The following ZFYVE9 variants were observed in gnomAD, a reference collection of about 807,000 sequenced individuals.
The protein encoded by ZFYVE9 is zinc finger FYVE domain-containing protein 9.
ZFYVE9 carries 43 observed loss-of-function variants against 126.7 expected under a neutral mutation model. The ratio of observed to expected loss-of-function variants is 0.34; its 90% CI spans 0.27 to 0.44. The LOEUF (loss-of-function observed/expected upper bound fraction) is 0.44. Ranked by LOEUF, ZFYVE9 falls within the 20% of genes least tolerant of loss-of-function variation. The pLI is 1.00. For synonymous variants in ZFYVE9, 521 were observed against 597.4 expected (o/e 0.87, Z 1.87); for missense variants, 1,476 against 1,697.0 (o/e 0.87, Z 2.29).
chr1:52,150,611 A>G (rs1167323967), intron 1 of ZFYVE9, among the ~76,000 whole-genome samples: 6 of 152,080 alleles, frequency 3.9e-5, no homozygotes. Context: ...TACTAAAAAT[A>G]CAAAAATTGG....
At chr1:52,286,572 A>G (rs72895933) in intron 10 of ZFYVE9, among the ~76,000 whole-genome samples, 5,880 of 152,232 alleles carry the variant, frequency 0.039, 295 homozygotes, top group African/African-American at 0.12. Flanking sequence ...CGGAGGTTGT[A>G]GACTATATAT....
intron 11 of ZFYVE9, among the ~76,000 whole-genome samples, chr1:52,295,077 G>A (rs1045619817): frequency 1.3e-5 from 2 of 152,034 alleles, no homozygotes; most frequent in African/African-American, 4.8e-5. Context: ...GTATGGTGGC[G>A]CATGCCTGTA....
At chr1:52,338,934 C>A (rs1646412177) in intron 16 of ZFYVE9, among the ~76,000 whole-genome samples, 1 of 152,038 alleles carries the variant, frequency 6.6e-6, no homozygotes, top group South Asian at 2.1e-4. Context: ...TCACTTGAAT[C>A]GGGAGGCGGA....
At chr1:52,273,818 C>CAAAAAAA (rs61193193) in intron 7 of ZFYVE9, among the ~76,000 whole-genome samples, 2 of 75,570 alleles carry the variant, frequency 2.6e-5, no homozygotes, top group African/African-American at 7.9e-5. Context: ...GACTCCTTCT[C>CAAAAAAA]AAAAAAAAAA....
intron 3 of ZFYVE9, among the ~76,000 whole-genome samples, chr1:52,235,623 CTT>C (rs1645266524): frequency 6.6e-6 from 1 of 152,278 alleles, no homozygotes; most frequent in South Asian, 2.1e-4. Context: ...TTTTTAACAA[CTT>C]TTCACTACTT....
At chr1:52,302,165 G>A (rs1569713081) in intron 12 of ZFYVE9, among the ~76,000 whole-genome samples, 1 of 151,940 alleles carries the variant, frequency 6.6e-6, no homozygotes, top group South Asian at 2.1e-4. Context: ...TTTATTTTGA[G>A]TTGTATTTTC....
chr1:52,160,301 A>C, intron 1 of ZFYVE9: 1 of 1,036,750 alleles, frequency 9.6e-7, no homozygotes, highest in East Asian at 2.4e-5. Context: ...TCCAGAATGC[A>C]TCAGTTCAAA....
intron 12 of ZFYVE9, among the ~76,000 whole-genome samples, chr1:52,301,291 CTTTTTTTTT>C (rs527599525): frequency 6.9e-4 from 50 of 72,646 alleles, no homozygotes; most frequent in African/African-American, 2.8e-3. Flanking sequence ...CTTTTTCCAT[CTTTTTTTTT>C]TTTTTTTTTT....
intron 4 of ZFYVE9, chr1:52,253,838 C>T: frequency 1.4e-6 from 2 of 1,426,494 alleles, no homozygotes; most frequent in Non-Finnish European, 9.9e-7. Flanking sequence ...AGAAAAACAA[C>T]AGTTAAGACA....
Position 52,142,604 on chromosome 1 carries a change from G to A in ZFYVE9, c.-143+201G>A, listed in dbSNP as rs906743343. Among the ~76,000 whole-genome samples, 1 of 152,136 alleles carries A rather than the reference G, an allele frequency of 6.6e-6. No individual in the cohort carries two copies. The highest frequency in any genetic ancestry group is 2.4e-5 in the African/African-American group (1 of 41,460). ...GTGGGGGGCGATTAGGCCCCGCGCC[G>A]TTGGGAAGCCCTCGCTCCGGCCTCG... is the stretch of plus-strand genomic sequence containing the variant. On this transcript the variant is annotated intron_variant, in intron 1 of 18. Coordinates refer to ENST00000287727, the MANE Select transcript of ZFYVE9 (RefSeq NM_004799.4). The surrounding 1 kb of genome is among the most constrained non-coding windows in gnomAD (Gnocchi z 4.5).
intron 1 of ZFYVE9, among the ~76,000 whole-genome samples, chr1:52,193,022 C>T (rs1054856746): frequency 1.3e-5 from 2 of 152,154 alleles, no homozygotes; most frequent in African/African-American, 4.8e-5. Context: ...ACTTGAGGCA[C>T]AAGAATAGAT....
rs2124601877 is a variant in ZFYVE9, at chr1:52,220,062, C to T, written c.-37+3588C>T. Among the ~76,000 whole-genome samples, 2 of 152,262 alleles carry T rather than the reference C, an allele frequency of 1.3e-5. 1 individual carries two copies. The highest frequency in any genetic ancestry group is 4.1e-4 in the South Asian group (2 of 4,826). ...AAGTGCTGGGATTACAGGTGTGAGC[C>T]ACCACACCCTGCCAGGCCAAGATCT... On this transcript the variant is annotated intron_variant, in intron 2 of 18. Coordinates refer to ENST00000287727, the MANE Select transcript of ZFYVE9 (RefSeq NM_004799.4).
intron 1 of ZFYVE9, among the ~76,000 whole-genome samples, chr1:52,204,732 AAAAAG>A (rs1168577994): frequency 6.6e-6 from 1 of 152,146 alleles, no homozygotes. Flanking sequence ...GTCTCAAAAA[AAAAAG>A]AAAAGAAAAA....
At chr1:52,301,175 G>C (rs922372996) in intron 12 of ZFYVE9, among the ~76,000 whole-genome samples, 2 of 150,970 alleles carry the variant, frequency 1.3e-5, no homozygotes, top group African/African-American at 4.9e-5. Context: ...TTTCTTCTTT[G>C]AGTGTTTTTG....
At chr1:52,223,772 T>C (rs1329843222) in intron 2 of ZFYVE9, among the ~76,000 whole-genome samples, 1 of 152,164 alleles carries the variant, frequency 6.6e-6, no homozygotes, top group Non-Finnish European at 1.5e-5. Context: ...GTTTTCTCAG[T>C]GGGCTTCATT....
chr1:52,342,729 T>C (rs1229839163), intron 17 of ZFYVE9, among the ~76,000 whole-genome samples: 1 of 152,036 alleles, frequency 6.6e-6, no homozygotes, highest in Non-Finnish European at 1.5e-5. Context: ...AGACAGGGTT[T>C]CACCATGTTG....
At chr1:52,161,680 A>G (rs922623221) in intron 1 of ZFYVE9, among the ~76,000 whole-genome samples, 2 of 152,160 alleles carry the variant, frequency 1.3e-5, no homozygotes, top group African/African-American at 4.8e-5. Flanking sequence ...TTAGGGCTCA[A>G]AAATTCCATT....
chr1:52,346,322 C>A lies in ZFYVE9; in HGVS notation c.*101C>A. The stretch of plus-strand genomic sequence containing the variant: ...CTGGAAGATTAAGCTTTTGTTAACA[C>A]TATTAATGGGGTGGGGAATAGGGTG... On this transcript the variant is annotated 3_prime_UTR_variant, in exon 19 of 19. Transcript: ENST00000287727. 2.0e-5 allele frequency: 14 copies of A among 713,460 alleles called. No homozygotes were observed. Among genetic ancestry groups the A allele is most frequent in the East Asian group, 3.3e-5 (1 of 30,246 alleles). The allele number at this position is 713,460 out of a possible 1,614,324, so 44.2% of individuals were successfully genotyped here. A position where few individuals can be genotyped will look rare whatever the true frequency, so the allele number is the denominator to read the frequency against.
chr1:52,241,539 A>G (rs1645334297), intron 4 of ZFYVE9, among the ~76,000 whole-genome samples: 1 of 152,206 alleles, frequency 6.6e-6, no homozygotes, highest in Non-Finnish European at 1.5e-5. Context: ...ATCCAGCTAT[A>G]ATGAGTAAAT....
Sources: allele counts gnomAD v4.1 joint callset (sites outside exome capture counted in the v4.1 genomes callset), GRCh38; gene constraint gnomAD v4.1.1; non-coding constraint Gnocchi (gnomAD v3.1); transcripts MANE v1.5; gene names NCBI Gene and HGNC (gene_info 2026-07-23, HGNC 2026-07-21).